CAST: variants seen among roughly 807,000 people sequenced by gnomAD.
CAST encodes the protein MIR583 host.
In CAST, 76 loss-of-function variants were observed where a neutral mutation model predicts 119.6. The observed-to-expected ratio is 0.64, with a 90% confidence interval of 0.53 to 0.77. The LOEUF (loss-of-function observed/expected upper bound fraction) is 0.77. Among genes scored for constraint, CAST ranks in the 30% least tolerant of loss-of-function variants. The pLI is 0.00. For synonymous variants in CAST, 319 were observed against 331.6 expected (o/e 0.96, Z 0.41); for missense variants, 953 against 946.5 (o/e 1.01, Z -0.09).
chr5:96,328,955 C>G, the CAST span, among the ~76,000 whole-genome samples: 3 of 152,190 alleles, frequency 2.0e-5, no homozygotes, highest in African/African-American at 7.2e-5. Context: ...AATGTCCTAA[C>G]TGTGTTTTAT....
At chr5:96,328,807 G>A in the CAST span, among the ~76,000 whole-genome samples, 11 of 152,060 alleles carry the variant, frequency 7.2e-5, no homozygotes, top group Non-Finnish European at 1.3e-4. Flanking sequence ...GTGGAAAAGC[G>A]AAGCAAAACA....
the CAST span, among the ~76,000 whole-genome samples, chr5:96,149,593 G>T: frequency 6.6e-6 from 1 of 152,248 alleles, no homozygotes; most frequent in African/African-American, 2.4e-5. Context: ...AAATCATGGG[G>T]GTTAGGGTTA....
At chr5:96,459,159 C>T in the CAST span, among the ~76,000 whole-genome samples, 1 of 152,118 alleles carries the variant, frequency 6.6e-6, no homozygotes. Flanking sequence ...ATGGAAAATG[C>T]TAAGAGTGAG....
At chr5:96,151,268 G>A in the CAST span, among the ~76,000 whole-genome samples, 1 of 152,290 alleles carries the variant, frequency 6.6e-6, no homozygotes, top group Non-Finnish European at 1.5e-5. Context: ...ATTGCTTTCT[G>A]TCTGCACATA....
chr5:96,299,537 T>C, the CAST span, among the ~76,000 whole-genome samples: 1 of 152,204 alleles, frequency 6.6e-6, no homozygotes, highest in Non-Finnish European at 1.5e-5. Context: ...CCCATGCTCC[T>C]GTTGAGTGCA....
the CAST span, among the ~76,000 whole-genome samples, chr5:96,372,179 T>G: frequency 6.6e-6 from 1 of 152,316 alleles, no homozygotes; most frequent in Non-Finnish European, 1.5e-5. Flanking sequence ...GGAACCCAGG[T>G]TTATGGGCTG....
chr5:96,298,926 A>G, the CAST span, among the ~76,000 whole-genome samples: 1 of 151,612 alleles, frequency 6.6e-6, no homozygotes, highest in Non-Finnish European at 1.5e-5. Context: ...AGAATTCTCT[A>G]TTTCTAAAAA....
chr5:96,760,276 A>C (rs1767472166), intron 24 of CAST, among the ~76,000 whole-genome samples: 1 of 152,032 alleles, frequency 6.6e-6, no homozygotes, highest in African/African-American at 2.4e-5. Context: ...GTATTGATTC[A>C]GTAGCAGGAA....
the CAST span, among the ~76,000 whole-genome samples, chr5:96,092,050 A>G: frequency 6.6e-6 from 1 of 152,168 alleles, no homozygotes; most frequent in Non-Finnish European, 1.5e-5. Flanking sequence ...GAATGAATGA[A>G]TGAAATCCCC....
the CAST span, among the ~76,000 whole-genome samples, chr5:96,150,099 A>C: frequency 6.6e-6 from 1 of 152,222 alleles, no homozygotes; most frequent in African/African-American, 2.4e-5. Flanking sequence ...TAAAACAGCC[A>C]AGGTCCCTAC....
In CAST at chr5:96,768,120, A is replaced by G. The variant is rs1581424886; in HGVS notation, c.2268+121A>G. 1.1e-5 allele frequency: 8 copies of G among 734,784 alleles called. No homozygotes were observed. The East Asian group carries it at 1.4e-4, about 12-fold the overall frequency. 45.5% of individuals were successfully genotyped at this position (734,784 alleles called of 1,614,324 possible). ...CTGTCTTGTAACAGGGTCTTACTCT[A>G]TAGCCCAGGCTGGAGTGCAGTGGTG... On this transcript the variant is annotated intron_variant, in intron 29 of 31. Coordinates refer to ENST00000675179, the MANE Select transcript of CAST (RefSeq NM_001750.7).
intron 1 of CAST, among the ~76,000 whole-genome samples, chr5:96,664,630 CA>C (rs1749086027): frequency 6.6e-6 from 1 of 152,172 alleles, no homozygotes; most frequent in East Asian, 1.9e-4. Flanking sequence ...GGAAATAAGT[CA>C]ACCTTTTCAA....
At chr5:96,029,597 C>T in the CAST span, among the ~76,000 whole-genome samples, 1 of 152,066 alleles carries the variant, frequency 6.6e-6, no homozygotes. Flanking sequence ...AAGGTATCTT[C>T]CCAACCAAAG....
chr5:95,986,901 TA>T, the CAST span, among the ~76,000 whole-genome samples: 5 of 152,094 alleles, frequency 3.3e-5, no homozygotes, highest in South Asian at 1.0e-3. Context: ...CTTGGCAGAG[TA>T]AAAAATGCTG....
chr5:96,133,482 C>T, the CAST span, among the ~76,000 whole-genome samples: 1 of 152,132 alleles, frequency 6.6e-6, no homozygotes, highest in Non-Finnish European at 1.5e-5. Flanking sequence ...CTGAGGTTTT[C>T]TGTAACATTC....
chr5:96,609,576 G>T (rs892818026), intron 1 of CAST, among the ~76,000 whole-genome samples: 9 of 152,136 alleles, frequency 5.9e-5, no homozygotes, highest in African/African-American at 1.7e-4. Context: ...TCATGTCCTG[G>T]AATATGTGAA....
chr5:96,084,229 T>G, the CAST span, among the ~76,000 whole-genome samples: 25 of 152,122 alleles, frequency 1.6e-4, no homozygotes, highest in Non-Finnish European at 2.8e-4. Context: ...GGTGGGTGGT[T>G]ACAAGAGAAA....
the CAST span, among the ~76,000 whole-genome samples, chr5:96,074,081 A>C: frequency 5.9e-5 from 9 of 152,142 alleles, no homozygotes; most frequent in Non-Finnish European, 1.2e-4. Context: ...CACAGACTGA[A>C]AAATTTGCTG....
the CAST span, among the ~76,000 whole-genome samples, chr5:96,079,793 G>T: frequency 6.6e-6 from 1 of 151,964 alleles, no homozygotes; most frequent in Non-Finnish European, 1.5e-5. Context: ...ACCATGTTTT[G>T]TTTCTTAGAA....
Sources: gnomAD v4.1 joint callset for allele counts (sites outside exome capture counted in the v4.1 genomes callset) on GRCh38, gnomAD v4.1.1 for gene constraint, MANE v1.5 for transcripts, NCBI Gene and HGNC (gene_info 2026-07-23, HGNC 2026-07-21) for gene names.